Variants in KIAA0825 observed in about 807,000 individuals in gnomAD.
KIAA0825 encodes KIAA0825.
In KIAA0825, 119 loss-of-function variants were observed where a neutral mutation model predicts 147.6. The ratio of observed to expected loss-of-function variants is 0.81; its 90% CI spans 0.69 to 0.94. KIAA0825 has a LOEUF of 0.94. Among genes scored for constraint, KIAA0825 ranks in the 40% least tolerant of loss-of-function variants. The pLI, the probability that KIAA0825 is intolerant of heterozygous loss-of-function variation, is 0.00. For missense variants in KIAA0825, 1,381 were observed against 1,472.7 expected (o/e 0.94, Z 1.02); for synonymous variants, 470 against 518.1 (o/e 0.91, Z 1.26).
At chr5:94,591,550 T>C (rs1217678518) in intron 1 of KIAA0825, among the ~76,000 whole-genome samples, 2 of 152,250 alleles carry the variant, frequency 1.3e-5, no homozygotes, top group African/African-American at 4.8e-5. Flanking sequence ...ATTACCAACC[T>C]ATTCATTTAA....
intron 20 of KIAA0825, among the ~76,000 whole-genome samples, chr5:94,164,843 T>C (rs1193045690): frequency 2.0e-5 from 3 of 152,080 alleles, no homozygotes; most frequent in Non-Finnish European, 2.9e-5. Flanking sequence ...TCTCTCGCCA[T>C]ATAAAAAAAT....
At chr5:94,202,851 C>T (rs1046334255) in intron 20 of KIAA0825, among the ~76,000 whole-genome samples, 2 of 152,124 alleles carry the variant, frequency 1.3e-5, no homozygotes, top group African/African-American at 2.4e-5. Flanking sequence ...ATATGGTAAC[C>T]TTGACTAACA....
intron 5 of KIAA0825, among the ~76,000 whole-genome samples, chr5:94,511,260 C>T (rs1387331108): frequency 1.3e-5 from 2 of 152,172 alleles, no homozygotes; most frequent in Non-Finnish European, 2.9e-5. Flanking sequence ...CCCTCCTCAC[C>T]CCTGACTATG....
intron 20 of KIAA0825, among the ~76,000 whole-genome samples, chr5:94,347,564 G>A (rs961348329): frequency 6.6e-6 from 1 of 152,188 alleles, no homozygotes; most frequent in Non-Finnish European, 1.5e-5. Flanking sequence ...AATCACTGCA[G>A]TTTGGCTCAC....
chr5:94,187,020 G>A (rs1396080227), intron 20 of KIAA0825, among the ~76,000 whole-genome samples: 1 of 152,160 alleles, frequency 6.6e-6, no homozygotes, highest in Non-Finnish European at 1.5e-5. Context: ...GAAAATTACT[G>A]CAAGTTCTTG....
intron 20 of KIAA0825, among the ~76,000 whole-genome samples, chr5:94,263,319 C>A (rs1296047073): frequency 6.6e-6 from 1 of 152,154 alleles, no homozygotes; most frequent in South Asian, 2.1e-4. Flanking sequence ...GCCCCTTTCA[C>A]TTCACCTCCA....
chr5:94,462,188 G>C (rs1167799478), intron 12 of KIAA0825, among the ~76,000 whole-genome samples, 199 bp downstream of exon 12: 1 of 151,676 alleles, frequency 6.6e-6, no homozygotes, highest in East Asian at 1.9e-4. Context: ...ACACATTTTC[G>C]GGCACTGAAT....
At chr5:94,260,583 A>G (rs1462585848) in intron 20 of KIAA0825, among the ~76,000 whole-genome samples, 3 of 152,176 alleles carry the variant, frequency 2.0e-5, no homozygotes, top group Admixed American at 2.0e-4. Flanking sequence ...AAGTCAGAAT[A>G]TGTTCGACAT....
At chr5:94,298,198 A>G (rs1433926067) in intron 20 of KIAA0825, among the ~76,000 whole-genome samples, 1 of 151,792 alleles carries the variant, frequency 6.6e-6, no homozygotes, top group African/African-American at 2.4e-5. Context: ...CAGTGAGCCG[A>G]GATTGCGCCA....
intron 20 of KIAA0825, among the ~76,000 whole-genome samples, chr5:94,188,763 AT>A (rs1378187567): frequency 6.6e-6 from 1 of 152,084 alleles, no homozygotes; most frequent in Non-Finnish European, 1.5e-5. Flanking sequence ...ATGGACATGT[AT>A]TTTTACTTGA....
At chr5:94,230,074 G>A (rs1396272746) in intron 20 of KIAA0825, among the ~76,000 whole-genome samples, 1 of 152,148 alleles carries the variant, frequency 6.6e-6, no homozygotes, top group African/African-American at 2.4e-5. Flanking sequence ...AAGCATGAAG[G>A]AGGTGGGGCT....
intron 20 of KIAA0825, among the ~76,000 whole-genome samples, chr5:94,191,690 G>A (rs959085759): frequency 6.6e-6 from 1 of 152,136 alleles, no homozygotes; most frequent in African/African-American, 2.4e-5. Flanking sequence ...CTATGATTAA[G>A]TTTCTCCAAA....
intron 1 of KIAA0825, among the ~76,000 whole-genome samples, chr5:94,588,358 C>G (rs1212599478): frequency 6.6e-6 from 1 of 152,052 alleles, no homozygotes; most frequent in African/African-American, 2.4e-5. Flanking sequence ...AAAAAAGTCC[C>G]CATCAAAAAG....
chr5:94,375,537 T>C (rs1421436813), intron 20 of KIAA0825, among the ~76,000 whole-genome samples: 2 of 152,184 alleles, frequency 1.3e-5, no homozygotes, highest in African/African-American at 4.8e-5. Flanking sequence ...TCAAGTCTAC[T>C]GGTTAATATC....
chr5:94,244,116 T>C (rs1018058171), intron 20 of KIAA0825, among the ~76,000 whole-genome samples: 9 of 152,176 alleles, frequency 5.9e-5, no homozygotes, highest in Non-Finnish European at 1.0e-4. Flanking sequence ...AACCTAACCA[T>C]ATGAAGAAGG....
chr5:94,153,704 T>A lies in KIAA0825; in HGVS notation c.*303A>T. The A allele has an allele frequency of 4.7e-6, 1 of 212,394 alleles. No homozygotes were observed. Among genetic ancestry groups the A allele is most frequent in the Non-Finnish European group, 9.2e-6 (1 of 108,346 alleles). 13.2% of individuals were successfully genotyped at this position (212,394 alleles called of 1,614,324 possible). A position where few individuals can be genotyped will look rare whatever the true frequency, so the allele number is the denominator to read the frequency against. On this transcript the variant is annotated 3_prime_UTR_variant, in exon 21 of 21. Transcript: ENST00000682413. ...AAAATTTCTGAACATTTCTTCCTGT[T>A]GTCATAGATACTTCAAGACTGAAAG...
chr5:94,270,610 A>T (rs565967319), intron 20 of KIAA0825, among the ~76,000 whole-genome samples: 45 of 151,966 alleles, frequency 3.0e-4, no homozygotes, highest in African/African-American at 1.1e-3. Context: ...CAAAATGGGA[A>T]ATTCAAAAGC....
intron 20 of KIAA0825, among the ~76,000 whole-genome samples, chr5:94,258,998 A>C (rs1377754679): frequency 6.6e-6 from 1 of 152,084 alleles, no homozygotes; most frequent in African/African-American, 2.4e-5. Flanking sequence ...TAAAATGCTG[A>C]ATTGTTCATG....
chr5:94,503,290 A>G (rs1442037046), intron 5 of KIAA0825, among the ~76,000 whole-genome samples: 1 of 152,096 alleles, frequency 6.6e-6, no homozygotes, highest in Non-Finnish European at 1.5e-5. Flanking sequence ...TCCTTGAACA[A>G]TCTAAATAAG....
Sources: gnomAD v4.1 joint callset for allele counts (sites outside exome capture counted in the v4.1 genomes callset) on GRCh38, gnomAD v4.1.1 for gene constraint, MANE v1.5 for transcripts, NCBI Gene and HGNC (gene_info 2026-07-23, HGNC 2026-07-21) for gene names.